FAM110B: variants seen among roughly 807,000 people sequenced by gnomAD.
FAM110B encodes the protein family with sequence similarity 110 member B.
A neutral mutation model predicts 20.4 loss-of-function variants in FAM110B; 6 were observed. The observed-to-expected ratio is 0.29, with a 90% CI of 0.16 to 0.58. FAM110B has a LOEUF of 0.58. Ranked by LOEUF, FAM110B falls within the 20% of genes least tolerant of loss-of-function variation. FAM110B has a pLI of 0.90. For synonymous variants in FAM110B, 226 were observed against 214.1 expected (o/e 1.06, Z -0.49); for missense variants, 434 against 498.2 (o/e 0.87, Z 1.23).
intron 3 of FAM110B, among the ~76,000 whole-genome samples, chr8:58,114,039 A>G (rs1807132648): frequency 6.6e-6 from 1 of 152,160 alleles, no homozygotes; most frequent in African/African-American, 2.4e-5. Flanking sequence ...TGCACATTTG[A>G]TAGGTTTGCT....
intron 3 of FAM110B, among the ~76,000 whole-genome samples, chr8:58,103,077 A>G (rs1806822764): frequency 6.6e-6 from 1 of 151,364 alleles, no homozygotes; most frequent in African/African-American, 2.4e-5. Flanking sequence ...TATTTTGTTT[A>G]AAATTTGCTG....
In FAM110B at chr8:58,139,621, A is replaced by G. The variant is rs549190916; in HGVS notation, c.-324-6286A>G. Among the ~76,000 whole-genome samples, 5 of 152,344 alleles carry G rather than the reference A, an allele frequency of 3.3e-5. No homozygotes were observed. The East Asian group carries it at 7.7e-4, about 24-fold the overall frequency. ...ATGAAAGTGATGATGTGCTTGGAAG[A>G]GAAGGAAAAGGGAAGATGTTGAAAA... On this transcript the variant is annotated intron_variant, in intron 3 of 3. Transcript: ENST00000519262.
chr8:58,098,816 C>T (rs115854703), intron 3 of FAM110B: 3,433 of 152,300 alleles, frequency 0.023, 111 homozygotes, highest in African/African-American at 0.07. Context: ...CCGGATGAGG[C>T]GACGCCCAAC....
intron 3 of FAM110B, among the ~76,000 whole-genome samples, chr8:58,131,229 T>C (rs1459972871): frequency 1.3e-5 from 2 of 152,326 alleles, no homozygotes; most frequent in Non-Finnish European, 2.9e-5. Context: ...GTCTTTCCTG[T>C]ATCAATGCAT....
intron 2 of FAM110B, among the ~76,000 whole-genome samples, chr8:58,071,663 T>A (rs1805898888): frequency 6.6e-6 from 1 of 152,116 alleles, no homozygotes; most frequent in South Asian, 2.1e-4. Context: ...TAGTAAGTCA[T>A]CCAGTACAAA....
chr8:58,028,304 C>T lies in FAM110B; in HGVS notation c.-511-3302C>T, dbSNP rs111488315. Among the ~76,000 whole-genome samples the T allele has an allele frequency of 2.6e-5, 4 of 152,090 alleles. No individual in the cohort carries two copies. In the East Asian group the frequency reaches 5.8e-4, roughly 22 times the overall value. Reference sequence around the variant, plus strand: ...ATTTTTAGTAGAGACGGGGTTTCACCGTGTCAGCCAGGCTGGTCTTGAACT... The same window carrying T: ...ATTTTTAGTAGAGACGGGGTTTCACTGTGTCAGCCAGGCTGGTCTTGAACT... On this transcript the variant is annotated intron_variant, in intron 1 of 3. Coordinates refer to ENST00000519262, the MANE Select transcript of FAM110B (RefSeq NM_001377989.1).
intron 3 of FAM110B, among the ~76,000 whole-genome samples, chr8:58,110,809 A>T (rs1807038963): frequency 6.6e-6 from 1 of 152,188 alleles, no homozygotes; most frequent in Non-Finnish European, 1.5e-5. Flanking sequence ...ATGATATGAC[A>T]TTGTGCTAAA....
Position 58,010,374 on chromosome 8 carries a change from G to C in FAM110B, c.-512+15568G>C, listed in dbSNP as rs368954773. 2.0e-5 allele frequency among the ~76,000 whole-genome samples: 3 copies of C among 152,028 alleles called. No individual in the cohort carries two copies. The East Asian group carries it at 5.8e-4, about 29-fold the overall frequency. On this transcript the variant is annotated intron_variant, in intron 1 of 3. Transcript: ENST00000519262. ...CAAGAACAGCCTGAGCTGTCCTCCA[G>C]CTTCCTATAGAGTTTGCTTCATTTC...
chr8:58,068,374 A>C (rs1481365824), intron 2 of FAM110B, among the ~76,000 whole-genome samples: 1 of 152,198 alleles, frequency 6.6e-6, no homozygotes, highest in East Asian at 1.9e-4. Flanking sequence ...TTCACTCTTG[A>C]ATTTATGGAC....
chr8:58,117,865 T>C (rs1234969856), intron 3 of FAM110B, among the ~76,000 whole-genome samples: 4 of 152,208 alleles, frequency 2.6e-5, no homozygotes, highest in Non-Finnish European at 5.9e-5. Context: ...TTAAACTTAA[T>C]AGAGTGGAGA....
chr8:58,054,367 A>G (rs971726254), intron 2 of FAM110B, among the ~76,000 whole-genome samples: 1 of 152,322 alleles, frequency 6.6e-6, no homozygotes, highest in South Asian at 2.1e-4. Flanking sequence ...CCAGAGGGCA[A>G]ACAGACATAT....
At chr8:58,131,244 C>A (rs772625659) in intron 3 of FAM110B, among the ~76,000 whole-genome samples, 1 of 152,128 alleles carries the variant, frequency 6.6e-6, no homozygotes, top group Non-Finnish European at 1.5e-5. Context: ...ATGCATTTTT[C>A]TTTCTGTTGT....
intron 1 of FAM110B, among the ~76,000 whole-genome samples, chr8:57,998,634 T>C (rs1216013212): frequency 2.0e-5 from 3 of 152,198 alleles, no homozygotes; most frequent in Non-Finnish European, 4.4e-5. Flanking sequence ...ATACCCAAAG[T>C]GTTTCTCAAA....
chr8:58,147,197 G>A lies in FAM110B; in HGVS notation c.967G>A (p.Asp323Asn). 3 of 1,614,074 alleles carry A rather than the reference G, an allele frequency of 1.9e-6. No individual in the cohort carries two copies. The highest frequency in any genetic ancestry group is 2.5e-6 in the Non-Finnish European group (3 of 1,180,022). The change falls in exon 4 of 4, where the codon GAC (aspartate) becomes AAC (asparagine). Residue 323 changes from aspartate to asparagine, a missense_variant. Physicochemically the swap from Asp to Asn is conservative, Grantham distance 23 (BLOSUM62 1). This residue lies in a region of FAM110B where 94 missense variants were observed against 137.8 expected (regional missense o/e 0.68). Transcript: ENST00000519262. Reference sequence around the variant, plus strand: ...CAGCTCAGACTGTGAACAGTCTCAGGACAGTAACAGTGACCTTAGAAATGA... The same window carrying A: ...CAGCTCAGACTGTGAACAGTCTCAGAACAGTAACAGTGACCTTAGAAATGA... ...MISSDCEQSQ[D>N]SNSDLRNDDS...
At chr8:58,000,861 T>C (rs1165586585) in intron 1 of FAM110B, among the ~76,000 whole-genome samples, 1 of 152,220 alleles carries the variant, frequency 6.6e-6, no homozygotes, top group Non-Finnish European at 1.5e-5. Context: ...CTAGCCAGTG[T>C]CCTTTCAAAT....
At chr8:58,121,025 G>C (rs1234943064) in intron 3 of FAM110B, among the ~76,000 whole-genome samples, 1 of 152,208 alleles carries the variant, frequency 6.6e-6, no homozygotes, top group African/African-American at 2.4e-5. Context: ...GGTGAATAAT[G>C]GATGCAGTGA....
chr8:58,131,420 A>G (rs1395356102), intron 3 of FAM110B, among the ~76,000 whole-genome samples: 1 of 152,132 alleles, frequency 6.6e-6, no homozygotes, highest in East Asian at 1.9e-4. Context: ...CACTGCTCCC[A>G]GCCCATGCTA....
At chr8:58,035,269 T>C (rs543760177) in intron 2 of FAM110B, among the ~76,000 whole-genome samples, 8 of 152,330 alleles carry the variant, frequency 5.3e-5, no homozygotes, top group African/African-American at 1.7e-4. Flanking sequence ...ATGGTTGTTA[T>C]GAAATGATTA....
chr8:58,072,348 G>C (rs1050192587), intron 2 of FAM110B, among the ~76,000 whole-genome samples: 6 of 152,208 alleles, frequency 3.9e-5, no homozygotes, highest in African/African-American at 1.4e-4. Context: ...AAGACTTTCT[G>C]TGTGGAGGAG....
Sources: gnomAD v4.1 joint callset for allele counts (sites outside exome capture counted in the v4.1 genomes callset) on GRCh38, gnomAD v4.1.1 for gene constraint, gnomAD v4.1.1 regional missense constraint, MANE v1.5 for transcripts, NCBI Gene and HGNC (gene_info 2026-07-23, HGNC 2026-07-21) for gene names.